Variants in COL28A1 observed in about 807,000 individuals in gnomAD.
The protein encoded by COL28A1 is collagen type XXVIII alpha 1 chain.
COL28A1 carries 161 observed loss-of-function variants against 150.2 expected under a neutral mutation model. That is an observed-to-expected ratio of 1.07 (90% CI 0.94 to 1.22). The LOEUF is 1.22. COL28A1 is among the 50% of genes most tolerant of loss of function. The pLI is 0.00. For synonymous variants in COL28A1, 552 were observed against 469.7 expected, an observed-to-expected ratio of 1.18 and a Z score of -2.26; for missense variants, 1,617 against 1,388.3, an observed-to-expected ratio of 1.16 and a Z score of -2.62.
At chr7:7,472,724 C>A (rs1172827263) in intron 15 of COL28A1, among the ~76,000 whole-genome samples, 1 of 152,160 alleles carries the variant, frequency 6.6e-6, no homozygotes, top group Non-Finnish European at 1.5e-5. Flanking sequence ...CAAAGCAAGA[C>A]TAAGCAAAAA....
chr7:7,375,091 A>C (rs562206183), intron 31 of COL28A1, among the ~76,000 whole-genome samples: 1 of 152,206 alleles, frequency 6.6e-6, no homozygotes, highest in Non-Finnish European at 1.5e-5. Context: ...ATCACCAGCT[A>C]GGCTGGACTC....
chr7:7,404,393 C>A (rs1314602713), intron 27 of COL28A1, among the ~76,000 whole-genome samples: 1 of 152,006 alleles, frequency 6.6e-6, no homozygotes, highest in East Asian at 1.9e-4. Context: ...CCATTTCACT[C>A]TGAGGGAAAG....
At chr7:7,428,994 C>T (rs1468051616) in intron 25 of COL28A1, among the ~76,000 whole-genome samples, 1 of 152,182 alleles carries the variant, frequency 6.6e-6, no homozygotes. Flanking sequence ...TGTTTTGAAA[C>T]ACAGAAGCTT....
Position 7,531,379 on chromosome 7 carries a change from G to T in COL28A1, c.650C>A (p.Pro217Gln). 6.4e-7 allele frequency: 1 copy of T among 1,571,204 alleles called. No homozygotes were observed. The highest frequency in any genetic ancestry group is 8.7e-7 in the Non-Finnish European group (1 of 1,150,698). The change falls in exon 3 of 35, where the codon CCA (proline) becomes CAA (glutamine). Residue 217 changes from proline to glutamine, a missense_variant. Transcript: ENST00000399429. ...SSEPTLLLSD[P>Q]TLVDKIQDRL... ...ATCTTGAATTTTATCTACAAGGGTTGGATCACTCAACAGTAAAGTGGGTTC... is the reference window on the plus strand; with the variant it reads ...ATCTTGAATTTTATCTACAAGGGTTTGATCACTCAACAGTAAAGTGGGTTC...
chr7:7,356,182 C>T (rs972133747), downstream of COL28A1: 7 of 152,004 alleles, frequency 4.6e-5, no homozygotes, highest in Non-Finnish European at 5.9e-5. Flanking sequence ...AGAAGACTAG[C>T]GTATGACACC....
At chr7:7,451,282 G>A (rs150205304) in intron 18 of COL28A1, among the ~76,000 whole-genome samples, 37 of 151,684 alleles carry the variant, frequency 2.4e-4, no homozygotes, top group African/African-American at 8.5e-4. Flanking sequence ...CTGGAGTGCA[G>A]TGGCGCGATC....
intron 9 of COL28A1, among the ~76,000 whole-genome samples, chr7:7,509,434 CTTAT>C (rs1781002115): frequency 6.6e-6 from 1 of 152,120 alleles, no homozygotes; most frequent in Admixed American, 6.6e-5. Context: ...GGATATTTTT[CTTAT>C]TTATTAGCCA....
In COL28A1 at chr7:7,373,170, T is replaced by C; in HGVS notation, c.2736A>G (p.Lys912=). The change falls in exon 32 of 35, where the codon AAA becomes AAG. Residue 912 remains lysine (K), a synonymous_variant. Coordinates refer to ENST00000399429, the MANE Select transcript of COL28A1 (RefSeq NM_001037763.3). This position sits in a 1 kb window ranked among gnomAD's most constrained non-coding sequence, Gnocchi z 4.1. Reference sequence around the variant, plus strand: ...TCTTCACCACCTCTGTCAGTTTCTCTTTATCACGAGAATCTGTCTGTCCAT... The same window carrying C: ...TCTTCACCACCTCTGTCAGTTTCTCCTTATCACGAGAATCTGTCTGTCCAT... ...ITDGQTDSRD[K]EKLTEVVKNA... The C allele has an allele frequency of 6.2e-7, 1 of 1,614,220 alleles. No homozygotes were observed. Among genetic ancestry groups the C allele is most frequent in the Middle Eastern group, 1.6e-4 (1 of 6,062 alleles).
chr7:7,343,092 C>T, the COL28A1 span, among the ~76,000 whole-genome samples: 2,149 of 151,884 alleles, frequency 0.014, 48 homozygotes, highest in African/African-American at 0.049. Context: ...TACATCTAAC[C>T]GCTCCTTCTT....
At chr7:7,443,452 C>G (rs10234554) in intron 20 of COL28A1, 133 bp downstream of exon 20, 3 of 1,343,334 alleles carry the variant, frequency 2.2e-6, no homozygotes, top group East Asian at 5.0e-5. Context: ...GCTTCCAAGA[C>G]AGTATTCATA....
chr7:7,408,409 G>A (rs1392175609), intron 27 of COL28A1, among the ~76,000 whole-genome samples: 2 of 152,090 alleles, frequency 1.3e-5, no homozygotes, highest in African/African-American at 2.4e-5. Context: ...TCTGCAACTA[G>A]GTAAGGAAAG....
At chr7:7,341,232 C>T in the COL28A1 span, among the ~76,000 whole-genome samples, 1 of 152,146 alleles carries the variant, frequency 6.6e-6, no homozygotes, top group Non-Finnish European at 1.5e-5. Context: ...TTCCTCTGCT[C>T]AGCATCACCA....
chr7:7,408,624 C>T (rs1369650385), intron 27 of COL28A1, among the ~76,000 whole-genome samples: 1 of 152,150 alleles, frequency 6.6e-6, no homozygotes, highest in East Asian at 1.9e-4. Flanking sequence ...CACCCAAGTG[C>T]AGCTACACAT....
At chr7:7,471,948 A>G (rs1365573201) in intron 15 of COL28A1, among the ~76,000 whole-genome samples, 3 of 152,184 alleles carry the variant, frequency 2.0e-5, no homozygotes, top group Non-Finnish European at 4.4e-5. Flanking sequence ...AGATGCAGAA[A>G]GAGCATTTGA....
At chr7:7,441,939 C>A (rs1200763571) in intron 20 of COL28A1, among the ~76,000 whole-genome samples, 1 of 152,114 alleles carries the variant, frequency 6.6e-6, no homozygotes, top group Non-Finnish European at 1.5e-5. Context: ...TTATCACTTA[C>A]CAGTAGAGAC....
At chr7:7,492,829 G>A (rs947639728) in intron 11 of COL28A1, among the ~76,000 whole-genome samples, 74 of 151,124 alleles carry the variant, frequency 4.9e-4, no homozygotes, top group Non-Finnish European at 3.1e-4. Flanking sequence ...AGTCAGTCTG[G>A]CAAATATTTT....
chr7:7,473,920 A>C (rs553878767), intron 15 of COL28A1, among the ~76,000 whole-genome samples: 20 of 149,982 alleles, frequency 1.3e-4, no homozygotes, highest in African/African-American at 4.6e-4. Context: ...GTGTTTGTTT[A>C]TATATATGAT....
intron 5 of COL28A1, 77 bp from the exon 6 acceptor site, chr7:7,520,192 G>A: frequency 1.4e-6 from 1 of 719,330 alleles, no homozygotes; most frequent in Non-Finnish European, 2.3e-6. Flanking sequence ...TTTCTGATCA[G>A]TTTTGTTTCC....
chr7:7,397,567 A>T (rs1462279882), intron 27 of COL28A1, among the ~76,000 whole-genome samples: 1 of 152,210 alleles, frequency 6.6e-6, no homozygotes, highest in African/African-American at 2.4e-5. Context: ...AGATCATATC[A>T]TGAATATGTG....
Sources: gnomAD v4.1 joint callset for allele counts (sites outside exome capture counted in the v4.1 genomes callset) on GRCh38, gnomAD v4.1.1 for gene constraint, Gnocchi (gnomAD v3.1) non-coding constraint, MANE v1.5 for transcripts, NCBI Gene and HGNC (gene_info 2026-07-23, HGNC 2026-07-21) for gene names.